DLGAP2: variants seen among roughly 807,000 people sequenced by gnomAD.
The protein encoded by DLGAP2 is disks large-associated protein 2.
In DLGAP2, 26 loss-of-function variants were observed where a neutral mutation model predicts 100.3. The observed-to-expected ratio is 0.26, with a 90% CI of 0.19 to 0.36. The LOEUF is 0.36. DLGAP2 is among the 10% of genes least tolerant of loss of function. The pLI is 1.00. For missense variants in DLGAP2, 1,858 were observed against 1,453.2 expected, an observed-to-expected ratio of 1.28 and a Z score of -4.53; for synonymous variants, 886 against 630.1, an observed-to-expected ratio of 1.41 and a Z score of -6.08.
At chr8:915,661 C>T (rs986654738) in intron 2 of DLGAP2, among the ~76,000 whole-genome samples, 2 of 152,038 alleles carry the variant, frequency 1.3e-5, no homozygotes, top group Non-Finnish European at 2.9e-5. Context: ...GCTGGTCATG[C>T]GTTTGCCTTA....
At chr8:792,870 T>C (rs1333429442) in intron 1 of DLGAP2, among the ~76,000 whole-genome samples, 1 of 152,230 alleles carries the variant, frequency 6.6e-6, no homozygotes, top group Non-Finnish European at 1.5e-5. Context: ...TTGAAAGTTT[T>C]CTCATTTTTG....
At chr8:769,842 A>G (rs1171907339) in intron 1 of DLGAP2, among the ~76,000 whole-genome samples, 2 of 152,154 alleles carry the variant, frequency 1.3e-5, no homozygotes, top group Non-Finnish European at 1.5e-5. Flanking sequence ...AGCAGCCTCC[A>G]CGGACATGTT....
intron 1 of DLGAP2, among the ~76,000 whole-genome samples, chr8:858,016 T>C (rs967517392): frequency 2.0e-5 from 3 of 152,102 alleles, no homozygotes; most frequent in Non-Finnish European, 4.4e-5. Flanking sequence ...GTTACAGGCA[T>C]ACGCCACCAT....
chr8:1,305,887 T>C lies in DLGAP2; in HGVS notation c.106+47004T>C, dbSNP rs141341729. 4.2e-3 allele frequency among the ~76,000 whole-genome samples: 636 copies of C among 152,304 alleles called. 2 individuals carry two copies. The highest frequency in any genetic ancestry group is 0.015 in the African/African-American group (607 of 41,580). ...TGTGCCCTTGCCTGCCCTCTACTTA[T>C]GTGCTTTTATAAATGGGATTATTTT... On this transcript the variant is annotated intron_variant, in intron 3 of 14. Transcript: ENST00000637795.
chr8:1,255,666 C>T (rs1195506201), intron 2 of DLGAP2, among the ~76,000 whole-genome samples: 2 of 143,628 alleles, frequency 1.4e-5, no homozygotes, highest in Non-Finnish European at 3.0e-5. Flanking sequence ...GTGTGTGTGT[C>T]GTCTCCTGCC....
In DLGAP2 at chr8:975,809, C is replaced by T. The variant is rs1448561644; in HGVS notation, c.73+67843C>T. 2.0e-5 allele frequency among the ~76,000 whole-genome samples: 3 copies of T among 152,174 alleles called. No homozygotes were observed. In the East Asian group the frequency reaches 5.8e-4, roughly 29 times the overall value. ...GGTGAGAAACTGGACAATTTCCCCT[C>T]ATATCAGAAGCAAAACACTCTTACC... On this transcript the variant is annotated intron_variant, in intron 2 of 14. Transcript: ENST00000637795.
intron 2 of DLGAP2, among the ~76,000 whole-genome samples, chr8:1,188,279 A>T (rs1423273009): frequency 7.9e-6 from 1 of 126,450 alleles, no homozygotes; most frequent in Non-Finnish European, 1.6e-5. Context: ...GACCTCTGTG[A>T]CGTTTGCCTC....
chr8:1,187,359 G>A (rs930966777), intron 2 of DLGAP2, among the ~76,000 whole-genome samples: 11 of 141,964 alleles, frequency 7.7e-5, no homozygotes, highest in African/African-American at 1.1e-4. Flanking sequence ...TTTCCCTCAC[G>A]GAATCTCACA....
At chr8:948,317 G>C (rs1242823069) in intron 2 of DLGAP2, among the ~76,000 whole-genome samples, 2 of 152,244 alleles carry the variant, frequency 1.3e-5, no homozygotes, top group African/African-American at 2.4e-5. Context: ...CCTCATGCGT[G>C]TCGCCTGCGG....
intron 2 of DLGAP2, among the ~76,000 whole-genome samples, chr8:1,161,355 A>G (rs1796885209): frequency 2.0e-5 from 3 of 152,142 alleles, no homozygotes. Context: ...TTAACGTTTT[A>G]CAGGCAGGTG....
chr8:1,569,109 C>T (rs1417889997), intron 6 of DLGAP2, among the ~76,000 whole-genome samples: 22 of 139,404 alleles, frequency 1.6e-4, no homozygotes, highest in Non-Finnish European at 2.5e-4. Context: ...CATGCCACTG[C>T]CCACTCACCA....
intron 2 of DLGAP2, among the ~76,000 whole-genome samples, chr8:1,021,299 G>T (rs537976581): frequency 1.3e-5 from 2 of 152,098 alleles, no homozygotes; most frequent in East Asian, 3.9e-4. Flanking sequence ...CCTAAAATAC[G>T]ATATATTTTG....
chr8:1,200,741 C>G (rs1797852876), intron 2 of DLGAP2, among the ~76,000 whole-genome samples: 1 of 151,604 alleles, frequency 6.6e-6, no homozygotes, highest in South Asian at 2.1e-4. Flanking sequence ...TGGATTCGGA[C>G]TTACAGAGCT....
At chr8:1,474,509 G>A (rs1798881412) in intron 3 of DLGAP2, among the ~76,000 whole-genome samples, 1 of 152,138 alleles carries the variant, frequency 6.6e-6, no homozygotes, top group Non-Finnish European at 1.5e-5. Context: ...GTGCAGAAGT[G>A]TTTCCTTTTT....
At chr8:1,434,672 C>G (rs923118418) in intron 3 of DLGAP2, among the ~76,000 whole-genome samples, 2 of 152,140 alleles carry the variant, frequency 1.3e-5, no homozygotes, top group African/African-American at 4.8e-5. Flanking sequence ...GATGGGGTGT[C>G]ACTATGTTGC....
chr8:1,539,714 G>C (rs1453474592), intron 4 of DLGAP2, among the ~76,000 whole-genome samples: 1 of 152,182 alleles, frequency 6.6e-6, no homozygotes, highest in Non-Finnish European at 1.5e-5. Context: ...CCGACAGCGA[G>C]ACCTGCCCAC....
chr8:865,171 G>A (rs924146926), intron 1 of DLGAP2, among the ~76,000 whole-genome samples: 5 of 152,202 alleles, frequency 3.3e-5, no homozygotes, highest in South Asian at 2.1e-4. Context: ...CCAGGACGAC[G>A]GGTGCCCTCG....
chr8:1,305,180 C>A (rs776173553), intron 3 of DLGAP2, among the ~76,000 whole-genome samples: 2 of 152,172 alleles, frequency 1.3e-5, no homozygotes, highest in African/African-American at 2.4e-5. Flanking sequence ...CAAGTGACTT[C>A]TTGACTCTTA....
At chr8:1,365,010 A>G (rs1057416168) in intron 3 of DLGAP2, among the ~76,000 whole-genome samples, 16 of 152,218 alleles carry the variant, frequency 1.1e-4, no homozygotes, top group Non-Finnish European at 2.2e-4. Flanking sequence ...CCGGGCCCTC[A>G]GAGACACGCA....
Sources: allele counts gnomAD v4.1 joint callset (sites outside exome capture counted in the v4.1 genomes callset), GRCh38; gene constraint gnomAD v4.1.1; transcripts MANE v1.5; gene names NCBI Gene and HGNC (gene_info 2026-07-23, HGNC 2026-07-21).